The following UNC119 variants were observed in gnomAD, a reference collection of about 807,000 sequenced individuals.
The protein encoded by UNC119 is protein unc-119 homolog A.
UNC119 carries 15 observed loss-of-function variants against 22.6 expected under a neutral mutation model. That is an observed-to-expected ratio of 0.66 (90% CI 0.44 to 1.02). UNC119 has a LOEUF of 1.02. Ranked by LOEUF, UNC119 falls within the 50% of genes least tolerant of loss-of-function variation. UNC119 has a pLI of 0.00. For missense variants in UNC119, 322 were observed against 336.0 expected (o/e 0.96, Z 0.33); for synonymous variants, 138 against 139.4 (o/e 0.99, Z 0.07).
chr17:28,547,188 T>C lies in UNC119; in HGVS notation c.*109A>G. 7.4e-7 allele frequency: 1 copy of C among 1,345,122 alleles called. No homozygotes were observed. Among genetic ancestry groups the C allele is most frequent in the Non-Finnish European group, 1.0e-6 (1 of 960,682 alleles). 83.3% of individuals were successfully genotyped at this position (1,345,122 alleles called of 1,614,324 possible). On this transcript the variant is annotated 3_prime_UTR_variant, in exon 5 of 5. Coordinates refer to ENST00000335765, the MANE Select transcript of UNC119 (RefSeq NM_005148.4). ...CCAACATTGACTCAGGGTCCGGAGC[T>C]CCTGGAGAACTCCCCAAGCAGAGGA...
chr17:28,547,399 C>T lies in UNC119; in HGVS notation c.621G>A (p.Met207Ile). The T allele has an allele frequency of 6.2e-7, 1 of 1,614,198 alleles. No homozygotes were observed. ...PPLSEELISE[M>I]IRHPYETQSD... ...ACTGGGTCTCATACGGGTGGCGGAT[C>T]ATCTCGCTGACTGCAAGAGAGGCCC... Residue 207 changes from methionine (M) to isoleucine (I), a missense_variant, in exon 5 of 5, where the codon ATG becomes ATA. Transcript: ENST00000335765.
chr17:28,548,011 T>A lies in UNC119; in HGVS notation c.425A>T (p.Gln142Leu). ...QFTPAFLRLR[Q>L]VGATVEFTVG... ...CCCAGCGACTCACGTGGCTCCCACC[T>A]GCCTCAGGCGGAGGAAGGCAGGCGT... is the stretch of plus-strand genomic sequence containing the variant. Residue 142 changes from glutamine to leucine, a missense_variant, in exon 3 of 5, where the codon CAG becomes CTG. Physicochemically the swap from Gln to Leu is moderately radical, Grantham distance 113 (BLOSUM62 -2). Coordinates refer to ENST00000335765, the MANE Select transcript of UNC119 (RefSeq NM_005148.4). The A allele has an allele frequency of 2.5e-6, 4 of 1,613,720 alleles. No individual in the cohort carries two copies. Among genetic ancestry groups the A allele is most frequent in the Non-Finnish European group, 3.4e-6 (4 of 1,179,928 alleles).
intron 4 of UNC119, 102 bp downstream of exon 4, chr17:28,547,575 G>T (rs931852939): frequency 6.2e-7 from 1 of 1,608,098 alleles, no homozygotes. Context: ...AGAGCCCCAG[G>T]GTGGGGAGAA....
Position 28,552,566 on chromosome 17 carries a change from G to C in UNC119, c.-9C>G. 8 of 1,509,172 alleles carry C rather than the reference G, an allele frequency of 5.3e-6. No individual in the cohort carries two copies. The highest frequency in any genetic ancestry group is 7.0e-6 in the Non-Finnish European group (8 of 1,137,928). 93.5% of individuals were successfully genotyped at this position (1,509,172 alleles called of 1,614,324 possible). A position where few individuals can be genotyped will look rare whatever the true frequency, so the allele number is the denominator to read the frequency against. On this transcript the variant is annotated 5_prime_UTR_variant, in exon 1 of 5. Coordinates refer to ENST00000335765, the MANE Select transcript of UNC119 (RefSeq NM_005148.4). ...CCCTTCTTCACCTTCATGGCCTTGC[G>C]GGGCCGAGGCTCGCCTGCTGCTGCC...
chr17:28,547,588 G>A (rs1411142226), intron 4 of UNC119, 89 bp downstream of exon 4: 2 of 1,611,328 alleles, frequency 1.2e-6, no homozygotes, highest in Non-Finnish European at 1.7e-6. Flanking sequence ...GGGGAGAAAT[G>A]GGATCAGACC....
intron 1 of UNC119, chr17:28,550,115 G>A (rs1226202231): frequency 6.6e-6 from 1 of 152,260 alleles, no homozygotes; most frequent in Non-Finnish European, 1.5e-5. Flanking sequence ...TTGGGGAAGA[G>A]GCAGGGCCCT....
Position 28,547,364 on chromosome 17 carries a change from A to G in UNC119, c.656T>C (p.Phe219Ser), listed in dbSNP as rs1480345106. The change falls in exon 5 of 5, where the codon TTC becomes TCC. Residue 219 changes from phenylalanine to serine, a missense_variant. Coordinates refer to ENST00000335765, the MANE Select transcript of UNC119 (RefSeq NM_005148.4). The stretch of plus-strand genomic sequence containing the variant: ...CACCAGCCGGTCATCCACGAAGTAG[A>G]AGCTGTCAGACTGGGTCTCATACGG... The part of the protein sequence containing the change: ...RHPYETQSDS[F>S]YFVDDRLVMH... 2 of 1,614,070 alleles carry G rather than the reference A, an allele frequency of 1.2e-6. No homozygotes were observed. The highest frequency in any genetic ancestry group is 1.7e-6 in the Non-Finnish European group (2 of 1,180,034).
chr17:28,548,928 T>C (rs917624233), intron 1 of UNC119: 8 of 511,858 alleles, frequency 1.6e-5, no homozygotes, highest in Non-Finnish European at 2.8e-5. Flanking sequence ...ATCCTACTGG[T>C]CTCTGGGGGC....
At chr17:28,549,287 A>T (rs1363346727) in intron 1 of UNC119, 1 of 153,280 alleles carries the variant, frequency 6.5e-6, no homozygotes, top group African/African-American at 2.4e-5. Flanking sequence ...CTGGCATGAC[A>T]TCTAGATGTA....
rs1212560249 is a variant in UNC119 at position 28,552,377 on chromosome 17, C to T, written c.181G>A (p.Gly61Arg). 2 of 1,547,164 alleles carry T rather than the reference C, an allele frequency of 1.3e-6. No homozygotes were observed. The highest frequency in any genetic ancestry group is 2.4e-5 in the East Asian group (1 of 41,772). ...TGCAGCCCCAGCACGTCCTCCGGCC[C>T]GATCGGCTGCTTCCTCTGCAGCGGC... The part of the protein sequence containing the change: ...PGPLQRKQPI[G>R]PEDVLGLQRI... Residue 61 changes from glycine (G) to arginine (R), a missense_variant, in exon 1 of 5, where the codon GGG (glycine) becomes AGG (arginine). By Grantham distance (125) the Gly-to-Arg change is moderately radical. Coordinates refer to ENST00000335765, the MANE Select transcript of UNC119 (RefSeq NM_005148.4).
chr17:28,548,522 G>T, intron 2 of UNC119, 70 bp downstream of exon 2: 1 of 1,343,074 alleles, frequency 7.4e-7, no homozygotes, highest in Non-Finnish European at 1.1e-6. Context: ...TGTGGCCCAA[G>T]GATTCCCTGG....
At chr17:28,552,125 G>A (rs1386287062) in intron 1 of UNC119, 11 of 710,920 alleles carry the variant, frequency 1.5e-5, no homozygotes, top group African/African-American at 3.5e-5. Flanking sequence ...TCGAAAGGGA[G>A]AAGAAGGAGG....
intron 1 of UNC119, 112 bp downstream of exon 1, chr17:28,552,226 G>A: frequency 9.9e-7 from 1 of 1,013,128 alleles, no homozygotes. Flanking sequence ...GGGACTCGGT[G>A]GGGGAGGGGA....
chr17:28,549,978 G>A (rs529390916), intron 1 of UNC119: 1 of 152,322 alleles, frequency 6.6e-6, no homozygotes, highest in Non-Finnish European at 1.5e-5. Flanking sequence ...GCAGGAACAG[G>A]AAGTGAATAT....
rs748681105 is a variant in UNC119, at chr17:28,548,031, A to G, written c.405T>C (p.Pro135=). The change falls in exon 3 of 5, where the codon CCT becomes CCC. Residue 135 remains proline, a synonymous_variant. Transcript: ENST00000335765. ...AGRFVRYQFT[P]AFLRLRQVGA... is the part of the protein sequence containing the mutation. Reference sequence around the variant, plus strand: ...CCACCTGCCTCAGGCGGAGGAAGGCAGGCGTGAACTGGTAGCGGACAAAGC... The same window carrying G: ...CCACCTGCCTCAGGCGGAGGAAGGCGGGCGTGAACTGGTAGCGGACAAAGC... 3 of 1,613,876 alleles carry G rather than the reference A, an allele frequency of 1.9e-6. No individual in the cohort carries two copies. The highest frequency in any genetic ancestry group is 1.1e-5 in the South Asian group (1 of 91,078).
intron 4 of UNC119, 89 bp from the exon 5 acceptor site, chr17:28,547,498 C>T (rs1373061160): frequency 1.9e-6 from 3 of 1,590,594 alleles, no homozygotes; most frequent in Admixed American, 1.8e-5. Flanking sequence ...ACAGGGACAG[C>T]CAAACAGCCT....
intron 4 of UNC119, 102 bp from the exon 5 acceptor site, chr17:28,547,511 A>G: frequency 6.3e-7 from 1 of 1,585,770 alleles, no homozygotes. Flanking sequence ...AACAGCCTGA[A>G]ATATCCCCAG....
At position 28,547,405 on chromosome 17, in the gene UNC119, G is replaced by A. The variant is rs760901598; in HGVS notation, c.615C>T (p.Ser205=). 32 of 1,614,026 alleles carry A rather than the reference G, an allele frequency of 2.0e-5. No homozygotes were observed. The highest frequency in any genetic ancestry group is 2.5e-5 in the Non-Finnish European group (30 of 1,180,020). Residue 205 remains serine, a synonymous_variant, in exon 5 of 5, where the codon AGC becomes AGT. Coordinates refer to ENST00000335765, the MANE Select transcript of UNC119 (RefSeq NM_005148.4). ...DFPPLSEELI[S]EMIRHPYETQ... ...TCTCATACGGGTGGCGGATCATCTCGCTGACTGCAAGAGAGGCCCAGCCAG... is the reference window on the plus strand; with the variant it reads ...TCTCATACGGGTGGCGGATCATCTCACTGACTGCAAGAGAGGCCCAGCCAG...
intron 4 of UNC119, 43 bp downstream of exon 4, chr17:28,547,634 G>A (rs1289648872): frequency 1.2e-6 from 2 of 1,613,880 alleles, no homozygotes; most frequent in Admixed American, 1.7e-5. Context: ...TCAGTCTCTA[G>A]ACGCCCCCAC....
Sources: gnomAD v4.1 joint callset for allele counts on GRCh38, gnomAD v4.1.1 for gene constraint, MANE v1.5 for transcripts, NCBI Gene and HGNC (gene_info 2026-07-23, HGNC 2026-07-21) for gene names.